The following RBFOX1 variants were observed in gnomAD, a reference collection of about 807,000 sequenced individuals.
RBFOX1 encodes RNA binding protein fox-1 homolog 1.
In RBFOX1, 8 loss-of-function variants were observed where a neutral mutation model predicts 57.7. The observed-to-expected ratio is 0.14, with a 90% CI of 0.08 to 0.25. RBFOX1 has a LOEUF of 0.25. RBFOX1 is among the 10% of genes least tolerant of loss of function. RBFOX1 has a pLI of 1.00. For missense variants in RBFOX1, 611 were observed against 548.5 expected, an observed-to-expected ratio of 1.11 and a Z score of -1.14; for synonymous variants, 326 against 222.4, an observed-to-expected ratio of 1.47 and a Z score of -4.15.
At chr16:5,273,564 G>A (rs1385629262) in intron 1 of RBFOX1, among the ~76,000 whole-genome samples, 2 of 152,192 alleles carry the variant, frequency 1.3e-5, no homozygotes, top group Non-Finnish European at 2.9e-5. Context: ...CCCAAGGTTT[G>A]GAACGACGGG....
At chr16:5,401,988 T>C (rs554489716) in intron 1 of RBFOX1, among the ~76,000 whole-genome samples, 1 of 152,156 alleles carries the variant, frequency 6.6e-6, no homozygotes, top group Non-Finnish European at 1.5e-5. Flanking sequence ...ACAATGAAAC[T>C]GGATAATTCA....
At chr16:5,714,529 G>A (rs1028668178) in intron 3 of RBFOX1, among the ~76,000 whole-genome samples, 9 of 152,204 alleles carry the variant, frequency 5.9e-5, no homozygotes, top group Non-Finnish European at 1.0e-4. Context: ...CAACCTGGGT[G>A]GGACCTTAGA....
chr16:6,296,915 T>C (rs2078181736), intron 1 of RBFOX1, among the ~76,000 whole-genome samples: 1 of 152,164 alleles, frequency 6.6e-6, no homozygotes, highest in South Asian at 2.1e-4. Flanking sequence ...GCCTGTTTAT[T>C]AGGAAATTAA....
intron 12 of RBFOX1, among the ~76,000 whole-genome samples, chr16:7,655,972 G>A (rs1210061828): frequency 6.6e-6 from 1 of 152,172 alleles, no homozygotes; most frequent in African/African-American, 2.4e-5. Context: ...ACCAGGGAGA[G>A]ACACAGGCAT....
At chr16:5,806,775 A>T (rs1368191789) in intron 3 of RBFOX1, among the ~76,000 whole-genome samples, 1 of 152,238 alleles carries the variant, frequency 6.6e-6, no homozygotes, top group Non-Finnish European at 1.5e-5. Flanking sequence ...ATTAGCACAG[A>T]GGTGACTGCA....
chr16:5,426,948 G>T (rs554510860), intron 1 of RBFOX1, among the ~76,000 whole-genome samples: 65 of 152,316 alleles, frequency 4.3e-4, no homozygotes, highest in African/African-American at 1.6e-3. Flanking sequence ...TAACTCCCTT[G>T]TAAGTGGTAA....
At chr16:6,553,848 A>G (rs1347526592) in intron 2 of RBFOX1, among the ~76,000 whole-genome samples, 1 of 152,132 alleles carries the variant, frequency 6.6e-6, no homozygotes, top group Non-Finnish European at 1.5e-5. Context: ...TCTCATCATG[A>G]ATTGACAAGA....
chr16:6,467,346 C>G (rs17140303), intron 2 of RBFOX1, among the ~76,000 whole-genome samples: 4,918 of 151,842 alleles, frequency 0.032, 274 homozygotes, highest in African/African-American at 0.11. Context: ...TGTAACAACA[C>G]CAGGACCTTA....
At chr16:7,114,246 G>T (rs957813199) in intron 4 of RBFOX1, among the ~76,000 whole-genome samples, 10 of 152,104 alleles carry the variant, frequency 6.6e-5, no homozygotes, top group Admixed American at 5.9e-4. Context: ...GTGATTGTGT[G>T]TGCACATGAG....
chr16:5,389,186 G>A (rs981312724), intron 1 of RBFOX1, among the ~76,000 whole-genome samples: 31 of 126,238 alleles, frequency 2.5e-4, no homozygotes, highest in African/African-American at 9.4e-4. Context: ...GCGAGACTCC[G>A]TCTCAAAAAT....
chr16:6,508,758 T>C (rs1459729689), intron 2 of RBFOX1, among the ~76,000 whole-genome samples: 3 of 152,178 alleles, frequency 2.0e-5, no homozygotes, highest in Admixed American at 2.0e-4. Context: ...ACTTGCCATA[T>C]TTAAGGCTCT....
chr16:6,593,596 G>A (rs1387478604), intron 2 of RBFOX1, among the ~76,000 whole-genome samples: 1 of 152,120 alleles, frequency 6.6e-6, no homozygotes, highest in African/African-American at 2.4e-5. Flanking sequence ...CTTCATGATA[G>A]AATTCCTGGT....
chr16:7,107,312 A>G (rs1415107743), intron 4 of RBFOX1, among the ~76,000 whole-genome samples: 14 of 152,118 alleles, frequency 9.2e-5, no homozygotes, highest in South Asian at 2.1e-4. Context: ...TCTGGGGCAG[A>G]CAGACAGTAG....
rs566902056 is a variant in RBFOX1, at chr16:7,693,087, C to A, written c.996-15969C>A. 1.5e-3 allele frequency among the ~76,000 whole-genome samples: 221 copies of A among 152,192 alleles called. 2 individuals are homozygous for A. Among genetic ancestry groups the A allele is most frequent in the African/African-American group, 5.2e-3 (216 of 41,540 alleles). ...TAACACATAGTATTAATATTTGGTG[C>A]AACAGCTTGTACATAGTTCGTATTC... is the stretch of plus-strand genomic sequence containing the variant. On this transcript the variant is annotated intron_variant, in intron 14 of 15. Coordinates refer to ENST00000550418, the MANE Select transcript of RBFOX1 (RefSeq NM_018723.4).
At chr16:6,231,990 C>T (rs537232459) in intron 1 of RBFOX1, among the ~76,000 whole-genome samples, 1 of 152,260 alleles carries the variant, frequency 6.6e-6, no homozygotes, top group Non-Finnish European at 1.5e-5. Flanking sequence ...TGGATTTGTA[C>T]TTCCCTCGTT....
chr16:7,203,653 G>C (rs927230146), intron 4 of RBFOX1, among the ~76,000 whole-genome samples: 2 of 152,198 alleles, frequency 1.3e-5, no homozygotes, highest in South Asian at 2.1e-4. Context: ...TCACAGCTCA[G>C]ATAGGGTCCC....
intron 3 of RBFOX1, among the ~76,000 whole-genome samples, chr16:6,854,587 A>ATTTTTTTTTTTTTTTTTTTTTTT (rs71147611): frequency 2.8e-5 from 2 of 70,640 alleles, no homozygotes. Context: ...GGAGAGGTGA[A>ATTTTTTTTTTTTTTTTTTTTTTT]TTTTTTTTTT....
At chr16:7,113,216 C>T (rs148584649) in intron 4 of RBFOX1, among the ~76,000 whole-genome samples, 2 of 152,156 alleles carry the variant, frequency 1.3e-5, no homozygotes, top group African/African-American at 4.8e-5. Context: ...GACCTGGAGT[C>T]TGCATATTCT....
intron 2 of RBFOX1, among the ~76,000 whole-genome samples, chr16:6,641,177 A>G (rs980419998): frequency 2.0e-5 from 3 of 152,108 alleles, no homozygotes; most frequent in African/African-American, 4.8e-5. Flanking sequence ...GTAATCTTGT[A>G]TTTGCAAACT....
Sources: gnomAD v4.1 joint callset for allele counts (sites outside exome capture counted in the v4.1 genomes callset) on GRCh38, gnomAD v4.1.1 for gene constraint, MANE v1.5 for transcripts, NCBI Gene and HGNC (gene_info 2026-07-23, HGNC 2026-07-21) for gene names.